The following ZNF831 variants were observed in gnomAD, a reference collection of about 807,000 sequenced individuals.
ZNF831 encodes the protein zinc finger protein 831.
ZNF831 carries 59 observed loss-of-function variants against 95.8 expected under a neutral mutation model. That is an observed-to-expected ratio of 0.62 (90% CI 0.50 to 0.77). ZNF831 has a LOEUF of 0.77. Among genes scored for constraint, ZNF831 ranks in the 30% least tolerant of loss-of-function variants. The probability of loss-of-function intolerance (pLI) is 0.00; values close to 1 mark genes in which losing one functional copy is unlikely to be tolerated. For synonymous variants in ZNF831, 961 were observed against 925.5 expected (o/e 1.04, Z -0.70); for missense variants, 2,205 against 2,164.0 (o/e 1.02, Z -0.38).
rs199777622 is a variant in ZNF831 at position 59,205,411 on chromosome 20, T to TC, written c.3876-1488dup. On this transcript the variant is annotated intron_variant, in intron 3 of 5. Transcript: ENST00000371030. ...CCTCCCCCACCAAACTAACCTCCCC[T>TC]CCCCCCAGCCGGGGAATGACAGCTC... is the stretch of plus-strand genomic sequence containing the variant. Among the ~76,000 whole-genome samples, 442 of 151,450 alleles carry TC rather than the reference T, an allele frequency of 2.9e-3. 9 individuals carry two copies. Among genetic ancestry groups the TC allele is most frequent in the Admixed American group, 0.025 (387 of 15,214 alleles).
intron 1 of ZNF831, among the ~76,000 whole-genome samples, chr20:59,168,448 C>G (rs1039009601): frequency 7.3e-6 from 1 of 136,082 alleles, no homozygotes; most frequent in African/African-American, 2.8e-5. Flanking sequence ...CTTATTAGTG[C>G]GAGGAGGTTT....
At position 59,257,415 on chromosome 20, in the gene ZNF831, A is replaced by T. The variant is rs1348482677; in HGVS notation, c.*2672A>T. ...GCATCCTAAGGTAAAGATTTTTTTT[A>T]AATGAAGAATCTTTTTATAAAGCAA... On this transcript the variant is annotated 3_prime_UTR_variant, in exon 6 of 6. Coordinates refer to ENST00000371030, the MANE Select transcript of ZNF831 (RefSeq NM_178457.3). 3.9e-5 allele frequency: 6 copies of T among 152,188 alleles called. No homozygotes were observed. Among genetic ancestry groups the T allele is most frequent in the Non-Finnish European group, 8.8e-5 (6 of 68,028 alleles). 9.4% of individuals were successfully genotyped at this position (152,188 alleles called of 1,614,324 possible). A position where few individuals can be genotyped will look rare whatever the true frequency, so the allele number is the denominator to read the frequency against.
upstream of ZNF831, among the ~76,000 whole-genome samples, chr20:59,161,879 A>G (rs779334758): frequency 5.9e-5 from 9 of 152,160 alleles, no homozygotes; most frequent in African/African-American, 9.7e-5. Flanking sequence ...ATTCCCACCA[A>G]CAATGTGTGA....
chr20:59,151,114 G>A (rs964059243), intron 2 of ZNF831, among the ~76,000 whole-genome samples: 1 of 152,204 alleles, frequency 6.6e-6, no homozygotes, highest in Admixed American at 6.5e-5. Context: ...GTACATGTGG[G>A]CTGGGACACA....
Position 59,193,365 on chromosome 20 carries a change from C to A in ZNF831, c.2346C>A (p.Asp782Glu), listed in dbSNP as rs370670266. ...DVEAPRPVWP[D>E]PKLEGGARGV... ...AGGCTCCCAGGCCAGTTTGGCCGGA[C>A]CCCAAGCTGGAAGGAGGTGCCCGAG... is the stretch of plus-strand genomic sequence containing the variant. The change falls in exon 2 of 6, where the codon GAC becomes GAA. Residue 782 changes from aspartate (D) to glutamate (E), a missense_variant. Transcript: ENST00000371030. 6.2e-7 allele frequency: 1 copy of A among 1,609,276 alleles called. No individual in the cohort carries two copies. The highest frequency in any genetic ancestry group is 8.5e-7 in the Non-Finnish European group (1 of 1,177,606).
Position 59,191,758 on chromosome 20 carries a change from T to A in ZNF831, c.739T>A (p.Ser247Thr), listed in dbSNP as rs765822206. ...MHEGASERPL[S>T]PGAHVPLLAK... ...CGAAGGCGCCTCGGAGAGACCCCTT[T>A]CTCCGGGTGCCCACGTGCCCCTACT... Residue 247 changes from serine to threonine, a missense_variant, in exon 2 of 6, where the codon TCT becomes ACT. Ser to Thr is a moderately conservative substitution (Grantham distance 58). Transcript: ENST00000371030. 9.3e-6 allele frequency: 15 copies of A among 1,607,896 alleles called. No individual in the cohort carries two copies. The highest frequency in any genetic ancestry group is 1.3e-5 in the Non-Finnish European group (15 of 1,176,824).
chr20:59,230,134 T>C (rs1438073279), intron 4 of ZNF831, among the ~76,000 whole-genome samples: 1 of 152,224 alleles, frequency 6.6e-6, no homozygotes, highest in African/African-American at 2.4e-5. Flanking sequence ...CATTAAACAC[T>C]TGAATGTAAT....
At chr20:59,135,162 T>C (rs899109053) in intron 1 of ZNF831, among the ~76,000 whole-genome samples, 3 of 152,230 alleles carry the variant, frequency 2.0e-5, no homozygotes, top group Admixed American at 6.5e-5. Flanking sequence ...CTACTGTTGC[T>C]GTAGAAAATT....
In ZNF831 at chr20:59,193,879, C is replaced by A. The variant is rs2146590794; in HGVS notation, c.2860C>A (p.Leu954Met). 6.2e-7 allele frequency: 1 copy of A among 1,610,102 alleles called. No homozygotes were observed. Among genetic ancestry groups the A allele is most frequent in the Non-Finnish European group, 8.5e-7 (1 of 1,178,134 alleles). The change falls in exon 2 of 6, where the codon CTG becomes ATG. Residue 954 changes from leucine (L) to methionine (M), a missense_variant. By Grantham distance (15) the Leu-to-Met change is conservative. Transcript: ENST00000371030. ...RLPQAETPLP[L>M]PIPWGPRHSQ... ...ACCTCAGGCAGAGACCCCCTTACCA[C>A]TGCCCATTCCCTGGGGACCAAGGCA...
intron 5 of ZNF831, 107 bp from the exon 6 acceptor site, chr20:59,253,791 A>T (rs2146759265): frequency 7.8e-7 from 1 of 1,282,934 alleles, no homozygotes; most frequent in Non-Finnish European, 1.1e-6. Flanking sequence ...AAGAATCATT[A>T]AGACCTCAAG....
At chr20:59,252,889 A>G in intron 4 of ZNF831, 89 bp from the exon 5 acceptor site, 1 of 1,421,648 alleles carries the variant, frequency 7.0e-7, no homozygotes, top group East Asian at 2.5e-5. Flanking sequence ...CTCAGAGGCG[A>G]TCAAGAAGTC....
intron 4 of ZNF831, among the ~76,000 whole-genome samples, chr20:59,213,965 T>C (rs1423113509): frequency 6.6e-6 from 1 of 152,212 alleles, no homozygotes; most frequent in African/African-American, 2.4e-5. Flanking sequence ...GTGAGGTTTG[T>C]TTCCAAAGCT....
At chr20:59,230,220 C>T (rs1202224018) in intron 4 of ZNF831, among the ~76,000 whole-genome samples, 1 of 152,150 alleles carries the variant, frequency 6.6e-6, no homozygotes, top group Non-Finnish European at 1.5e-5. Flanking sequence ...TCTCTGCTAG[C>T]CATGCTGTCC....
At chr20:59,230,005 A>G (rs1020559505) in intron 4 of ZNF831, among the ~76,000 whole-genome samples, 3 of 152,116 alleles carry the variant, frequency 2.0e-5, no homozygotes, top group Non-Finnish European at 4.4e-5. Context: ...AAAGGGGAGA[A>G]TGAGGGTAGG....
At chr20:59,234,495 G>GA (rs1384453440) in intron 4 of ZNF831, among the ~76,000 whole-genome samples, 3 of 152,154 alleles carry the variant, frequency 2.0e-5, no homozygotes, top group African/African-American at 7.2e-5. Flanking sequence ...TGAGAGAACT[G>GA]AAAAAATAAT....
intron 4 of ZNF831, among the ~76,000 whole-genome samples, chr20:59,225,566 C>A (rs906667405): frequency 1.3e-5 from 2 of 152,234 alleles, no homozygotes; most frequent in Admixed American, 6.5e-5. Context: ...TGGCTTCTTT[C>A]ATCAGAGTCA....
chr20:59,243,914 C>T (rs1215808732), intron 4 of ZNF831, among the ~76,000 whole-genome samples: 2 of 152,122 alleles, frequency 1.3e-5, no homozygotes, highest in African/African-American at 2.4e-5. Flanking sequence ...AATTTTGGCA[C>T]TGAAGAATGC....
chr20:59,178,127 C>A (rs936618890), intron 1 of ZNF831, among the ~76,000 whole-genome samples: 1 of 152,190 alleles, frequency 6.6e-6, no homozygotes, highest in Non-Finnish European at 1.5e-5. Flanking sequence ...GCTGTGAGGG[C>A]CATGTGGGGC....
chr20:59,152,318 AT>A (rs1980293255), intron 2 of ZNF831, among the ~76,000 whole-genome samples: 1 of 148,908 alleles, frequency 6.7e-6, no homozygotes, highest in African/African-American at 2.6e-5. Flanking sequence ...GGAGTGGGAG[AT>A]CACCACTTAC....
Sources: gnomAD v4.1 joint callset for allele counts (sites outside exome capture counted in the v4.1 genomes callset) on GRCh38, gnomAD v4.1.1 for gene constraint, MANE v1.5 for transcripts, NCBI Gene and HGNC (gene_info 2026-07-23, HGNC 2026-07-21) for gene names.